The following BOD1L1 variants were observed in gnomAD, a reference collection of about 807,000 sequenced individuals.
The protein encoded by BOD1L1 is biorientation of chromosomes in cell division 1 like 1.
In BOD1L1, 86 loss-of-function variants were observed where a neutral mutation model predicts 240.7. The observed-to-expected ratio is 0.36, with a 90% CI of 0.30 to 0.43. The LOEUF (loss-of-function observed/expected upper bound fraction) is 0.43, where lower values mean the gene tolerates loss of function less well. BOD1L1 is among the 20% of genes least tolerant of loss of function. The pLI, the probability that BOD1L1 is intolerant of heterozygous loss-of-function variation, is 1.00. For synonymous variants in BOD1L1, 1,268 were observed against 1,272.3 expected (o/e 1.00, Z 0.07); for missense variants, 3,554 against 3,643.5 (o/e 0.98, Z 0.63).
rs1716335398 is a variant in BOD1L1, at chr4:13,613,415, C to T, written c.1324+97G>A. On this transcript the variant is annotated intron_variant, in intron 5 of 25. Coordinates refer to ENST00000040738, the MANE Select transcript of BOD1L1 (RefSeq NM_148894.3). This position sits in a 1 kb window ranked among gnomAD's most constrained non-coding sequence, Gnocchi z 4.0. ...CCAACTACAAAATCCCATGCTCTTG[C>T]TACTATACCACACTGTTTCTCAGGA... is the stretch of plus-strand genomic sequence containing the variant. 4 of 1,168,874 alleles carry T rather than the reference C, an allele frequency of 3.4e-6. No individual in the cohort carries two copies. The highest frequency in any genetic ancestry group is 5.0e-5 in the East Asian group (2 of 40,298). 72.4% of individuals were successfully genotyped at this position (1,168,874 alleles called of 1,614,324 possible).
At chr4:13,578,159 G>C (rs1194556336) in intron 22 of BOD1L1, 1 of 152,984 alleles carries the variant, frequency 6.5e-6, no homozygotes, top group African/African-American at 2.4e-5. Flanking sequence ...GCCTGCCTTG[G>C]CTTCCCAAAG....
rs766789578 is a variant in BOD1L1, at chr4:13,595,890, T to G, written c.8074A>C (p.Ser2692Arg). Residue 2692 changes from serine (S) to arginine (R), a missense_variant, in exon 12 of 26, where the codon AGT becomes CGT. By Grantham distance (110) the Ser-to-Arg change is moderately radical. This residue lies in a region of BOD1L1 where 3,393 missense variants were observed against 3,427.1 expected (regional missense o/e 0.99). Transcript: ENST00000040738. ...KNGEILAPPESLCGGKPSGIA... is the reference protein window; with the variant it reads ...KNGEILAPPERLCGGKPSGIA... ...CCACTTGGCTTTCCCCCACACAGAC[T>G]TTCTGGTGGTGCCAGAATTTCACCA... is the stretch of plus-strand genomic sequence containing the variant. 52 of 1,613,776 alleles carry G rather than the reference T, an allele frequency of 3.2e-5. No individual in the cohort carries two copies. The Admixed American group carries it at 6.5e-4, about 20-fold the overall frequency.
At chr4:13,617,277 AG>A (rs1716688915) in intron 2 of BOD1L1, among the ~76,000 whole-genome samples, 1 of 141,828 alleles carries the variant, frequency 7.1e-6, no homozygotes, top group African/African-American at 2.9e-5. Flanking sequence ...TAGAAAAAAA[AG>A]TACCAAAAAA....
In BOD1L1 at chr4:13,577,621, A is replaced by C; in HGVS notation, c.8760T>G (p.Asn2920Lys). The C allele has an allele frequency of 6.4e-7, 1 of 1,555,784 alleles. No homozygotes were observed. Among genetic ancestry groups the C allele is most frequent in the Non-Finnish European group, 8.7e-7 (1 of 1,143,770 alleles). The change falls in exon 23 of 26, where the codon AAT (asparagine) becomes AAG (lysine). Residue 2920 changes from asparagine (N) to lysine (K), a missense_variant. Around this residue, in one of 2 missense-constraint regions of BOD1L1, gnomAD observed 3,393 missense variants for 3,427.1 expected, o/e 0.99. Coordinates refer to ENST00000040738, the MANE Select transcript of BOD1L1 (RefSeq NM_148894.3). Reference protein sequence around the residue: ...KLKVMQTDESNKETANLQERS... With the variant: ...KLKVMQTDESKKETANLQERS... The stretch of plus-strand genomic sequence containing the variant: ...TTTCTTGTAGGTTAGCTGTTTCTTT[A>C]TTGGATTCATCTTTAAGAAAAGGGA...
chr4:13,621,385 T>A (rs1384727628), intron 1 of BOD1L1, among the ~76,000 whole-genome samples: 1 of 152,224 alleles, frequency 6.6e-6, no homozygotes, highest in African/African-American at 2.4e-5. Context: ...AATTCTCATA[T>A]CTGCACCTAC....
rs757520681 is a variant in BOD1L1, at chr4:13,579,985, T to C, written c.8704-12A>G. On this transcript the variant is annotated splice_polypyrimidine_tract_variant and intron_variant, in intron 21 of 25. Coordinates refer to ENST00000040738, the MANE Select transcript of BOD1L1 (RefSeq NM_148894.3). ...GGAGATTGTTCTACCTATGTTTAAATAAACAAACAAAAAAAAATTTTAAAT... is the reference window on the plus strand; with the variant it reads ...GGAGATTGTTCTACCTATGTTTAAACAAACAAACAAAAAAAAATTTTAAAT... 8 of 1,547,462 alleles carry C rather than the reference T, an allele frequency of 5.2e-6. No individual in the cohort carries two copies. The highest frequency in any genetic ancestry group is 1.2e-5 in the South Asian group (1 of 83,880).
chr4:13,592,951 G>C (rs1038021419), intron 12 of BOD1L1: 3 of 152,266 alleles, frequency 2.0e-5, no homozygotes, highest in Admixed American at 6.5e-5. Flanking sequence ...CCTCAAATGA[G>C]TAACAAGTAC....
Position 13,601,814 on chromosome 4 carries a change from C to G in BOD1L1, c.5086G>C (p.Glu1696Gln), listed in dbSNP as rs1339320384. The G allele has an allele frequency of 1.2e-6, 2 of 1,614,012 alleles. No homozygotes were observed. The highest frequency in any genetic ancestry group is 1.7e-6 in the Non-Finnish European group (2 of 1,179,904). The change falls in exon 10 of 26, where the codon GAG becomes CAG. Residue 1696 changes from glutamate to glutamine, a missense_variant. Glu to Gln is a conservative substitution (Grantham distance 29). This residue lies in a region of BOD1L1 where 3,393 missense variants were observed against 3,427.1 expected (regional missense o/e 0.99). Transcript: ENST00000040738. ...SDGAVTSAGT[E>Q]IRAGSISSEE... ...CTGCTTATAGATCCTGCTCTTATCT[C>G]TGTTCCAGCACTTGTAACTGCTCCA... is the stretch of plus-strand genomic sequence containing the variant.
intron 19 of BOD1L1, 43 bp from the exon 20 acceptor site, chr4:13,581,250 AT>A: frequency 7.5e-7 from 1 of 1,336,786 alleles, no homozygotes; most frequent in Non-Finnish European, 1.0e-6. Context: ...AAGAAAAAAA[AT>A]TTTATCCTTT....
At position 13,600,588 on chromosome 4, in the gene BOD1L1, A is replaced by T; in HGVS notation, c.6312T>A (p.Asn2104Lys). ...CTGTGGTTACTCTGGTACCTTCCAT[A>T]TTTTCTTCAGTTCTCAGAGCATCTG... is the stretch of plus-strand genomic sequence containing the variant. ...GLSDALRTEENMEGTRVTTEE... is the reference protein window; with the variant it reads ...GLSDALRTEEKMEGTRVTTEE... The change falls in exon 10 of 26, where the codon AAT becomes AAA. Residue 2104 changes from asparagine to lysine, a missense_variant. This residue lies in a region of BOD1L1 where 3,393 missense variants were observed against 3,427.1 expected (regional missense o/e 0.99). Coordinates refer to ENST00000040738, the MANE Select transcript of BOD1L1 (RefSeq NM_148894.3). The T allele has an allele frequency of 1.2e-6, 2 of 1,613,292 alleles. No individual in the cohort carries two copies.
At chr4:13,609,487 G>A in intron 6 of BOD1L1, 81 bp from the exon 7 acceptor site, 2 of 900,864 alleles carry the variant, frequency 2.2e-6, no homozygotes, top group Non-Finnish European at 3.2e-6. Flanking sequence ...TAAAGTTTTA[G>A]TTTACCCTTC....
Position 13,603,404 on chromosome 4 carries a change from C to A in BOD1L1, c.3496G>T (p.Glu1166Ter). 6.2e-7 allele frequency: 1 copy of A among 1,613,892 alleles called. No homozygotes were observed. The highest frequency in any genetic ancestry group is 1.1e-5 in the South Asian group (1 of 91,056). The change falls in exon 10 of 26, where the codon GAA becomes TAA. Residue 1166 changes from glutamate to a stop codon, truncating the protein, a stop_gained. Transcript: ENST00000040738. LOFTEE classifies it high-confidence loss of function. ...GAATCTGCTGTGCAAGTTCTCAATT[C>A]ATCCTTTTGAACAGTGGCAGAAGTT... Reference protein sequence around the residue: ...QKTSATVQKDELRTCTADSKA... With the variant: ...QKTSATVQKD
At position 13,586,464 on chromosome 4, in the gene BOD1L1, C is replaced by A. The variant is rs1400544830; in HGVS notation, c.8365G>T (p.Asp2789Tyr). The A allele has an allele frequency of 3.7e-6, 6 of 1,608,062 alleles. No individual in the cohort carries two copies. Among genetic ancestry groups the A allele is most frequent in the Admixed American group, 1.7e-5 (1 of 59,700 alleles). The change falls in exon 17 of 26, where the codon GAT becomes TAT. Residue 2789 changes from aspartate (D) to tyrosine (Y), a missense_variant. Around this residue, in one of 2 missense-constraint regions of BOD1L1, gnomAD observed 3,393 missense variants for 3,427.1 expected, o/e 0.99. Transcript: ENST00000040738. ...GTTTCTATTCTGGAATCCAGGACATCTGGATTATCATCTGTAAATCAGTTT... is the reference window on the plus strand; with the variant it reads ...GTTTCTATTCTGGAATCCAGGACATATGGATTATCATCTGTAAATCAGTTT... ...SSEDEPDDNP[D>Y]VLDSRIETAQ...
At chr4:13,589,829 T>C (rs1714046775) in intron 14 of BOD1L1, among the ~76,000 whole-genome samples, 1 of 152,202 alleles carries the variant, frequency 6.6e-6, no homozygotes, top group Non-Finnish European at 1.5e-5. Flanking sequence ...TAAAAATAAC[T>C]GTCTAAGTAA....
rs563970489 is a variant in BOD1L1, at chr4:13,592,211, G to A, written c.8105-245C>T. ...GCCTGCATTTTTTATAATAACGGCA[G>A]TGGTATATTACATCACTATGGTGAT... is the stretch of plus-strand genomic sequence containing the variant. On this transcript the variant is annotated intron_variant, in intron 12 of 25. Transcript: ENST00000040738. The A allele has an allele frequency of 2.2e-5, 10 of 455,126 alleles. No homozygotes were observed. The East Asian group carries it at 3.7e-4, about 17-fold the overall frequency. 28.2% of individuals were successfully genotyped at this position (455,126 alleles called of 1,614,324 possible).
intron 1 of BOD1L1, chr4:13,625,563 A>G (rs1007587674): frequency 6.6e-6 from 1 of 152,238 alleles, no homozygotes; most frequent in African/African-American, 2.4e-5. Context: ...TTTAATTTGT[A>G]TACATAATGA....
At chr4:13,582,619 C>T (rs1713324519) in intron 18 of BOD1L1, 33 bp downstream of exon 18, 2 of 1,492,864 alleles carry the variant, frequency 1.3e-6, no homozygotes, top group Non-Finnish European at 1.9e-6. Flanking sequence ...TTTGAAGGCT[C>T]AGTCAATTTA....
At position 13,590,316 on chromosome 4, in the gene BOD1L1, G is replaced by C. The variant is rs1361827721; in HGVS notation, c.8209+70C>G. On this transcript the variant is annotated intron_variant, in intron 14 of 25. Coordinates refer to ENST00000040738, the MANE Select transcript of BOD1L1 (RefSeq NM_148894.3). ...TGTAAAATAATTAACACAAGGCCTG[G>C]TATACAGACCACACTCAATAAATGT... 4 of 774,446 alleles carry C rather than the reference G, an allele frequency of 5.2e-6. No individual in the cohort carries two copies. In the African/African-American group the frequency reaches 7.3e-5, roughly 14 times the overall value. The allele number at this position is 774,446 out of a possible 1,614,324, so 48.0% of individuals were successfully genotyped here.
In BOD1L1 at chr4:13,580,063, T is replaced by C. The variant is rs73110083; in HGVS notation, c.8704-90A>G. The C allele has an allele frequency of 9.4e-3, 8,772 of 933,104 alleles. 444 individuals are homozygous for C. The African/African-American group carries it at 0.12, about 13-fold the overall frequency. 57.8% of individuals were successfully genotyped at this position (933,104 alleles called of 1,614,324 possible). A position where few individuals can be genotyped will look rare whatever the true frequency, so the allele number is the denominator to read the frequency against. On this transcript the variant is annotated intron_variant, in intron 21 of 25. Transcript: ENST00000040738. ...TGCAATCAATGATGTAAAGGTGGTA[T>C]AGGATCTTTATTTACATAGGCGTAT...
Sources: allele counts gnomAD v4.1 joint callset (sites outside exome capture counted in the v4.1 genomes callset), GRCh38; gene constraint gnomAD v4.1.1; regional missense constraint gnomAD v4.1.1; non-coding constraint Gnocchi (gnomAD v3.1); transcripts MANE v1.5; gene names NCBI Gene and HGNC (gene_info 2026-07-23, HGNC 2026-07-21).